Variants in RIMS2 observed in about 807,000 individuals in gnomAD.
RIMS2 encodes the protein regulating synaptic membrane exocytosis 2.
Under a neutral mutation model 174.4 loss-of-function variants are expected in RIMS2, and 59 were observed. The observed-to-expected ratio is 0.34, with a 90% CI of 0.27 to 0.42. RIMS2 has a LOEUF of 0.42. Among genes scored for constraint, RIMS2 ranks in the 10% least tolerant of loss-of-function variants. The probability of loss-of-function intolerance (pLI) is 1.00; values close to 1 mark genes in which losing one functional copy is unlikely to be tolerated. For synonymous variants in RIMS2, 606 were observed against 572.5 expected (o/e 1.06, Z -0.84); for missense variants, 1,620 against 1,666.3 (o/e 0.97, Z 0.48).
At chr8:103,616,943 C>A (rs2095518565) in intron 1 of RIMS2, among the ~76,000 whole-genome samples, 1 of 152,174 alleles carries the variant, frequency 6.6e-6, no homozygotes, top group Admixed American at 6.5e-5. Flanking sequence ...AATAGCTATA[C>A]TCCCCAAAGC....
intron 3 of RIMS2, among the ~76,000 whole-genome samples, chr8:103,874,393 T>C (rs1315214847): frequency 6.6e-6 from 1 of 151,942 alleles, no homozygotes; most frequent in African/African-American, 2.4e-5. Flanking sequence ...GGAGGAGACA[T>C]TCCTTCCGTT....
chr8:103,568,728 T>A, intron 1 of RIMS2: 1 of 911,438 alleles, frequency 1.1e-6, no homozygotes, highest in East Asian at 2.9e-5. Flanking sequence ...GGGAGTAGCC[T>A]ATAAAGCAGC....
At chr8:104,070,061 C>A (rs1326142947) in intron 19 of RIMS2, among the ~76,000 whole-genome samples, 1 of 152,112 alleles carries the variant, frequency 6.6e-6, no homozygotes. Flanking sequence ...TCTGCAGTTT[C>A]TATTACATTA....
intron 3 of RIMS2, among the ~76,000 whole-genome samples, chr8:103,865,184 A>G (rs1412179730): frequency 1.3e-5 from 2 of 151,694 alleles, no homozygotes; most frequent in Non-Finnish European, 2.9e-5. Context: ...AAATAAATAC[A>G]AAGTCTCATG....
chr8:103,658,715 T>TA (rs1431706436), intron 1 of RIMS2, among the ~76,000 whole-genome samples: 1 of 152,096 alleles, frequency 6.6e-6, no homozygotes, highest in Non-Finnish European at 1.5e-5. Context: ...TAGCATGACT[T>TA]ACCACACTCT....
exon 16 of RIMS2, chr8:103,975,497 C>T (rs2093334217): frequency 1.9e-6 from 3 of 1,612,246 alleles, no homozygotes; most frequent in Non-Finnish European, 2.5e-6. Flanking sequence ...AGTGTCCCTC[C>T]TCCACAAAGG....
intron 1 of RIMS2, among the ~76,000 whole-genome samples, chr8:103,628,771 A>G (rs2095846330): frequency 6.6e-6 from 1 of 151,230 alleles, no homozygotes; most frequent in Non-Finnish European, 1.5e-5. Flanking sequence ...AAAAAAAAAA[A>G]AGGTCCCAAG....
intron 9 of RIMS2, chr8:103,920,829 A>G (rs1471029372): frequency 2.6e-5 from 9 of 345,146 alleles, no homozygotes; most frequent in South Asian, 1.9e-4. Context: ...CTCTACTAAA[A>G]AAAAAAAAAA....
intron 15 of RIMS2, among the ~76,000 whole-genome samples, chr8:103,963,914 T>C (rs919078209): frequency 2.6e-5 from 4 of 152,216 alleles, no homozygotes; most frequent in African/African-American, 7.2e-5. Flanking sequence ...TTTTCCAGAA[T>C]GTCACATAGT....
intron 15 of RIMS2, among the ~76,000 whole-genome samples, chr8:103,973,712 A>G (rs2093144447): frequency 6.6e-6 from 1 of 152,186 alleles, no homozygotes; most frequent in South Asian, 2.1e-4. Context: ...GGGATGAATG[A>G]GCATTGTGTG....
intron 19 of RIMS2, among the ~76,000 whole-genome samples, chr8:104,048,434 TA>T (rs1018013320): frequency 4.6e-5 from 7 of 152,080 alleles, no homozygotes; most frequent in Non-Finnish European, 7.4e-5. Flanking sequence ...GAAAAAATTA[TA>T]AAAAAACCAT....
chr8:103,563,906 G>A lies in RIMS2; in HGVS notation c.176+62844G>A, dbSNP rs1461663107. Among the ~76,000 whole-genome samples, 3 of 152,140 alleles carry A rather than the reference G, an allele frequency of 2.0e-5. No homozygotes were observed. In the East Asian group the frequency reaches 5.8e-4, roughly 29 times the overall value. On this transcript the variant is annotated intron_variant, in intron 1 of 23. Coordinates refer to ENST00000504942, the Ensembl canonical transcript of RIMS2. ...CAGGGGAAACTCTCTTATAAAACCA[G>A]CAAATCTCATGAGACTTATTCACTG...
At chr8:103,517,828 G>A (rs1244266942) in intron 1 of RIMS2, among the ~76,000 whole-genome samples, 1 of 151,934 alleles carries the variant, frequency 6.6e-6, no homozygotes, top group Admixed American at 6.6e-5. Context: ...TAGATCTGGG[G>A]TATCCAATCT....
At chr8:104,194,453 T>G (rs940493143) in intron 19 of RIMS2, among the ~76,000 whole-genome samples, 1 of 152,224 alleles carries the variant, frequency 6.6e-6, no homozygotes, top group Non-Finnish European at 1.5e-5. Flanking sequence ...TAAAGAAGTT[T>G]TTGAGCTATA....
At chr8:104,082,916 A>G (rs1212682307) in intron 19 of RIMS2, among the ~76,000 whole-genome samples, 1 of 152,114 alleles carries the variant, frequency 6.6e-6, no homozygotes, top group Non-Finnish European at 1.5e-5. Context: ...AATTTTAATG[A>G]TATACTTAAG....
chr8:104,008,059 A>G (rs921961979), intron 17 of RIMS2, among the ~76,000 whole-genome samples: 1 of 152,312 alleles, frequency 6.6e-6, no homozygotes, highest in African/African-American at 2.4e-5. Context: ...GCCATACCTC[A>G]TCAGATATAC....
chr8:103,744,731 A>G (rs2097791954), intron 2 of RIMS2, among the ~76,000 whole-genome samples: 1 of 152,196 alleles, frequency 6.6e-6, no homozygotes, highest in Non-Finnish European at 1.5e-5. Context: ...CAATGAGCTA[A>G]TATATAAATA....
chr8:103,703,317 A>G (rs1452493981), intron 2 of RIMS2, among the ~76,000 whole-genome samples: 1 of 152,130 alleles, frequency 6.6e-6, no homozygotes, highest in Non-Finnish European at 1.5e-5. Context: ...GGCTCACTGC[A>G]GCCTCTACCT....
intron 1 of RIMS2, among the ~76,000 whole-genome samples, chr8:103,641,307 A>G (rs1288449182): frequency 2.0e-5 from 3 of 152,130 alleles, no homozygotes; most frequent in Admixed American, 6.5e-5. Context: ...ACATTAATAT[A>G]TTTTGTAAGA....
Sources: gnomAD v4.1 joint callset for allele counts (sites outside exome capture counted in the v4.1 genomes callset) on GRCh38, gnomAD v4.1.1 for gene constraint, MANE v1.5 for transcripts, NCBI Gene and HGNC (gene_info 2026-07-23, HGNC 2026-07-21) for gene names.